The following UMAD1 variants were observed in gnomAD, a reference collection of about 807,000 sequenced individuals.
The protein encoded by UMAD1 is UBAP1-MVB12-associated (UMA) domain containing 1, also known as UBAP1-MVB12-associated (UMA)-domain containing protein 1.
UMAD1 carries 8 observed loss-of-function variants against 6.1 expected under a neutral mutation model. The ratio of observed to expected loss-of-function variants is 1.30; its 90% confidence interval spans 0.76 to 2.35. UMAD1 has a LOEUF of 2.35. Among genes scored for constraint, UMAD1 ranks in the 30% most tolerant of loss-of-function variants. The pLI, the probability that UMAD1 is intolerant of heterozygous loss-of-function variation, is 0.00. For synonymous variants in UMAD1, 56 were observed against 31.4 expected (o/e 1.78, Z -2.61); for missense variants, 130 against 78.4 (o/e 1.66, Z -2.49).
At chr7:7,658,223 G>T (rs1288350222) in intron 1 of UMAD1, among the ~76,000 whole-genome samples, 1 of 152,156 alleles carries the variant, frequency 6.6e-6, no homozygotes, top group Admixed American at 6.5e-5. Context: ...GAGACGATGG[G>T]GTTTTCTAAA....
chr7:7,717,388 C>T (rs576229424), intron 2 of UMAD1, among the ~76,000 whole-genome samples: 2 of 152,292 alleles, frequency 1.3e-5, no homozygotes, highest in South Asian at 2.1e-4. Flanking sequence ...AAACTCCACT[C>T]TTAAACTCAC....
At chr7:7,673,737 T>TAA (rs1779672631) in intron 2 of UMAD1, among the ~76,000 whole-genome samples, 1 of 151,634 alleles carries the variant, frequency 6.6e-6, no homozygotes, top group Non-Finnish European at 1.5e-5. Flanking sequence ...GTGGAAAATC[T>TAA]AAAGTCTTCA....
At chr7:7,791,561 G>A (rs1247404473) in intron 2 of UMAD1, among the ~76,000 whole-genome samples, 1 of 152,194 alleles carries the variant, frequency 6.6e-6, no homozygotes, top group Admixed American at 6.5e-5. Flanking sequence ...AGTAAGAATT[G>A]TTTTTAACAA....
chr7:7,780,256 A>G (rs1782316803), intron 2 of UMAD1, among the ~76,000 whole-genome samples: 1 of 152,126 alleles, frequency 6.6e-6, no homozygotes, highest in Non-Finnish European at 1.5e-5. Flanking sequence ...AACAATTCCT[A>G]TGAGAGACCA....
chr7:7,682,990 G>A (rs538640413), intron 2 of UMAD1, among the ~76,000 whole-genome samples: 12 of 152,130 alleles, frequency 7.9e-5, no homozygotes, highest in Non-Finnish European at 1.3e-4. Context: ...TCAGTTTTTC[G>A]GAGGTGAAAA....
At chr7:7,777,399 G>A (rs1380982665) in intron 2 of UMAD1, among the ~76,000 whole-genome samples, 3 of 150,920 alleles carry the variant, frequency 2.0e-5, no homozygotes, top group African/African-American at 4.9e-5. Context: ...CCAGCTACTC[G>A]GGAGGATGAG....
chr7:7,759,586 A>C (rs1781844299), intron 2 of UMAD1, among the ~76,000 whole-genome samples: 1 of 152,244 alleles, frequency 6.6e-6, no homozygotes. Flanking sequence ...TGTAAATGGG[A>C]AAAGTACTAT....
intron 2 of UMAD1, among the ~76,000 whole-genome samples, chr7:7,790,170 T>A (rs1782542169): frequency 6.6e-6 from 1 of 152,200 alleles, no homozygotes; most frequent in Admixed American, 6.5e-5. Context: ...TCTGGGATAT[T>A]TTGATTCTTA....
At chr7:7,833,346 C>T (rs1783500609) in intron 3 of UMAD1, among the ~76,000 whole-genome samples, 1 of 152,106 alleles carries the variant, frequency 6.6e-6, no homozygotes, top group South Asian at 2.1e-4. Context: ...TTACTACACA[C>T]ATGAGGCATA....
intron 3 of UMAD1, among the ~76,000 whole-genome samples, chr7:7,870,645 T>A (rs926928079): frequency 3.3e-5 from 5 of 152,172 alleles, no homozygotes; most frequent in African/African-American, 9.7e-5. Flanking sequence ...GACTTAGTGA[T>A]CAGGTTTATA....
chr7:7,816,144 T>C (rs934857328), intron 3 of UMAD1, among the ~76,000 whole-genome samples: 6 of 151,820 alleles, frequency 4.0e-5, no homozygotes, highest in South Asian at 2.1e-4. Flanking sequence ...ATATATCTTA[T>C]AGAGGAGGAA....
chr7:7,654,963 T>G (rs1160244486), intron 1 of UMAD1, among the ~76,000 whole-genome samples: 1 of 152,132 alleles, frequency 6.6e-6, no homozygotes, highest in African/African-American at 2.4e-5. Flanking sequence ...TTTTTTTGAC[T>G]ATTTTTGCTT....
chr7:7,876,137 C>G (rs1387116513), intron 3 of UMAD1, among the ~76,000 whole-genome samples: 1 of 152,152 alleles, frequency 6.6e-6, no homozygotes, highest in African/African-American at 2.4e-5. Flanking sequence ...TGGGCTAGCG[C>G]TTGGAAGGAG....
At chr7:7,802,839 A>G (rs1340089682) in intron 3 of UMAD1, among the ~76,000 whole-genome samples, 2 of 152,236 alleles carry the variant, frequency 1.3e-5, no homozygotes, top group Non-Finnish European at 1.5e-5. Flanking sequence ...ATCATGAGTA[A>G]TAAGTAGAGA....
At chr7:7,715,478 C>T (rs1199709379) in intron 2 of UMAD1, among the ~76,000 whole-genome samples, 1 of 152,134 alleles carries the variant, frequency 6.6e-6, no homozygotes, top group Non-Finnish European at 1.5e-5. Flanking sequence ...ATTAATGCTT[C>T]CATGAAATTA....
At chr7:7,733,304 A>C (rs991754017) in intron 2 of UMAD1, among the ~76,000 whole-genome samples, 11 of 152,092 alleles carry the variant, frequency 7.2e-5, no homozygotes, top group Non-Finnish European at 1.5e-4. Flanking sequence ...TATGCCCTGA[A>C]GCCTGACATT....
intron 2 of UMAD1, among the ~76,000 whole-genome samples, chr7:7,698,130 G>A (rs1780361983): frequency 6.6e-6 from 1 of 152,180 alleles, no homozygotes; most frequent in African/African-American, 2.4e-5. Context: ...ACACTGTGCT[G>A]ACAGGCACTA....
At chr7:7,784,078 A>T (rs1356797596) in intron 2 of UMAD1, among the ~76,000 whole-genome samples, 1 of 152,224 alleles carries the variant, frequency 6.6e-6, no homozygotes, top group Non-Finnish European at 1.5e-5. Flanking sequence ...GTTTCCTTTT[A>T]TAATTGTATT....
chr7:7,840,194 G>C (rs1183411809), intron 3 of UMAD1, among the ~76,000 whole-genome samples: 1 of 152,188 alleles, frequency 6.6e-6, no homozygotes, highest in Non-Finnish European at 1.5e-5. Context: ...TCTGGGGTTA[G>C]TGTAGTTGTT....
Sources: gnomAD v4.1 joint callset for allele counts (sites outside exome capture counted in the v4.1 genomes callset) on GRCh38, gnomAD v4.1.1 for gene constraint, MANE v1.5 for transcripts, NCBI Gene and HGNC (gene_info 2026-07-23, HGNC 2026-07-21) for gene names.